The following TMTC1 variants were observed in gnomAD, a reference collection of about 807,000 sequenced individuals.
TMTC1 encodes the protein transmembrane O-mannosyltransferase targeting cadherins 1, also known as protein O-mannosyl-transferase TMTC1.
TMTC1 carries 73 observed loss-of-function variants against 104.8 expected under a neutral mutation model. The observed-to-expected ratio is 0.70, with a 90% CI of 0.58 to 0.85. The LOEUF (loss-of-function observed/expected upper bound fraction) is 0.85. Among genes scored for constraint, TMTC1 ranks in the 40% least tolerant of loss-of-function variants. The pLI is 0.00. For missense variants in TMTC1, 1,035 were observed against 1,096.1 expected, an observed-to-expected ratio of 0.94 and a Z score of 0.79; for synonymous variants, 434 against 428.7, an observed-to-expected ratio of 1.01 and a Z score of -0.15.
chr12:29,671,575 A>G (rs2136681957), intron 5 of TMTC1, among the ~76,000 whole-genome samples: 1 of 152,234 alleles, frequency 6.6e-6, no homozygotes, highest in East Asian at 1.9e-4. Context: ...CAACAACGAC[A>G]ACTACAAAGC....
chr12:29,610,670 A>G (rs1372095173), intron 6 of TMTC1, among the ~76,000 whole-genome samples: 1 of 152,204 alleles, frequency 6.6e-6, no homozygotes, highest in Admixed American at 6.5e-5. Flanking sequence ...TTCCGGCCCC[A>G]GTGGTCACAA....
In TMTC1 at chr12:29,516,343, C is replaced by T. The variant is rs1943985699; in HGVS notation, c.2307+6G>A. The T allele has an allele frequency of 6.2e-7, 1 of 1,612,030 alleles. No homozygotes were observed. The highest frequency in any genetic ancestry group is 1.3e-5 in the African/African-American group (1 of 74,866). On this transcript the variant is annotated splice_donor_region_variant and intron_variant, in intron 15 of 17. Coordinates refer to ENST00000539277, the MANE Select transcript of TMTC1 (RefSeq NM_001193451.2). The stretch of plus-strand genomic sequence containing the variant: ...CCAAAGAACTCTAAACAATGTCCTT[C>T]TTTACCTTGTCGTGGTTCTCCTGCT...
chr12:29,612,434 G>C (rs777908934), intron 6 of TMTC1, among the ~76,000 whole-genome samples: 1 of 152,056 alleles, frequency 6.6e-6, no homozygotes, highest in Non-Finnish European at 1.5e-5. Context: ...TTTGAGACAG[G>C]GTCTTGCTCT....
At chr12:29,622,401 A>T (rs770972776) in intron 6 of TMTC1, among the ~76,000 whole-genome samples, 6 of 152,242 alleles carry the variant, frequency 3.9e-5, no homozygotes, top group Non-Finnish European at 7.3e-5. Flanking sequence ...AGGACTGACT[A>T]ATAGTATTAA....
intron 1 of TMTC1, among the ~76,000 whole-genome samples, chr12:29,771,096 A>T (rs987718635): frequency 6.6e-6 from 1 of 152,142 alleles, no homozygotes; most frequent in African/African-American, 2.4e-5. Context: ...CAGGGTTCTG[A>T]TATTACCTCT....
At chr12:29,632,273 G>GT (rs141198930) in intron 6 of TMTC1, among the ~76,000 whole-genome samples, 33,731 of 152,094 alleles carry the variant, frequency 0.22, 4,329 homozygotes, top group Non-Finnish European at 0.29. Context: ...TGCAGTAGCA[G>GT]TTTTTCATAA....
intron 6 of TMTC1, among the ~76,000 whole-genome samples, chr12:29,615,275 G>A (rs755205922): frequency 1.3e-5 from 2 of 152,160 alleles, no homozygotes; most frequent in African/African-American, 2.4e-5. Context: ...GCTCCAGGAA[G>A]TCTTTTCTCT....
intron 5 of TMTC1, among the ~76,000 whole-genome samples, chr12:29,742,427 G>A (rs567312437): frequency 6.6e-5 from 10 of 152,132 alleles, no homozygotes; most frequent in African/African-American, 1.9e-4. Context: ...TTAGGGTGAC[G>A]TCAAAGTCAA....
chr12:29,657,192 T>C (rs12823875), intron 5 of TMTC1, among the ~76,000 whole-genome samples: 64,391 of 151,986 alleles, frequency 0.42, 14,189 homozygotes, highest in African/African-American at 0.53. Context: ...TGGAATGAAA[T>C]CAACCCAAAG....
At chr12:29,582,702 A>G (rs1946015746) in intron 8 of TMTC1, among the ~76,000 whole-genome samples, 1 of 152,184 alleles carries the variant, frequency 6.6e-6, no homozygotes, top group South Asian at 2.1e-4. Context: ...CCCAAAGAAT[A>G]AGTGTTGGGT....
At chr12:29,772,773 A>AT (rs1943623363) in intron 1 of TMTC1, among the ~76,000 whole-genome samples, 1 of 152,188 alleles carries the variant, frequency 6.6e-6, no homozygotes, top group South Asian at 2.1e-4. Flanking sequence ...CTCAGGTTCT[A>AT]TATCACCCTG....
At chr12:29,702,039 A>C (rs899157) in intron 5 of TMTC1, among the ~76,000 whole-genome samples, 91,116 of 151,998 alleles carry the variant, frequency 0.6, 27,421 homozygotes, top group Middle Eastern at 0.69. Flanking sequence ...CACTTTGAAA[A>C]TAATATGCTA....
At chr12:29,708,405 A>G (rs1040902880) in intron 5 of TMTC1, among the ~76,000 whole-genome samples, 17 of 152,342 alleles carry the variant, frequency 1.1e-4, no homozygotes, top group African/African-American at 4.1e-4. Context: ...AATAGACACC[A>G]AAAGTCAGAG....
intron 7 of TMTC1, among the ~76,000 whole-genome samples, chr12:29,600,318 G>A (rs1946531666): frequency 6.6e-6 from 1 of 152,016 alleles, no homozygotes; most frequent in East Asian, 1.9e-4. Flanking sequence ...GACAGGGACA[G>A]CTCATCACTG....
At chr12:29,625,506 C>T (rs1937939364) in intron 6 of TMTC1, among the ~76,000 whole-genome samples, 1 of 152,160 alleles carries the variant, frequency 6.6e-6, no homozygotes, top group Non-Finnish European at 1.5e-5. Flanking sequence ...GCCAGAGGCT[C>T]TAGTTAAACG....
chr12:29,634,310 A>G (rs1300144762), intron 5 of TMTC1, among the ~76,000 whole-genome samples: 1 of 152,206 alleles, frequency 6.6e-6, no homozygotes, highest in African/African-American at 2.4e-5. Flanking sequence ...ATTCCTATGG[A>G]ATGTAATCAT....
At chr12:29,565,362 A>G (rs1407061719) in intron 9 of TMTC1, among the ~76,000 whole-genome samples, 1 of 152,306 alleles carries the variant, frequency 6.6e-6, no homozygotes, top group Non-Finnish European at 1.5e-5. Context: ...GTTTTACCAA[A>G]TATCTAGGTA....
chr12:29,648,397 ATTTTCTTTTC>A (rs112571814), intron 5 of TMTC1, among the ~76,000 whole-genome samples: 182 of 152,202 alleles, frequency 1.2e-3, no homozygotes, highest in African/African-American at 4.1e-3. Context: ...CTTGAAGAAT[ATTTTCTTTTC>A]TTTTCTTTTC....
intron 5 of TMTC1, among the ~76,000 whole-genome samples, chr12:29,726,977 T>C (rs1446879295): frequency 1.3e-5 from 2 of 152,246 alleles, no homozygotes; most frequent in Admixed American, 1.3e-4. Context: ...TCTTCCAGGA[T>C]GCACTGCTGA....
Sources: gnomAD v4.1 joint callset for allele counts (sites outside exome capture counted in the v4.1 genomes callset) on GRCh38, gnomAD v4.1.1 for gene constraint, MANE v1.5 for transcripts, NCBI Gene and HGNC (gene_info 2026-07-23, HGNC 2026-07-21) for gene names.